ZBTB8OS: variants seen among roughly 807,000 people sequenced by gnomAD.
ZBTB8OS encodes the protein tRNA splicing ligase complex subunit 1.
In ZBTB8OS, 16 loss-of-function variants were observed where a neutral mutation model predicts 29.3. That is an observed-to-expected ratio of 0.55 (90% CI 0.37 to 0.83). ZBTB8OS has a LOEUF of 0.83. Ranked by LOEUF, ZBTB8OS falls within the 40% of genes least tolerant of loss-of-function variation. The probability of loss-of-function intolerance (pLI) is 0.00; values close to 1 mark genes in which losing one functional copy is unlikely to be tolerated. For synonymous variants in ZBTB8OS, 70 were observed against 64.6 expected (o/e 1.08, Z -0.40); for missense variants, 160 against 196.9 (o/e 0.81, Z 1.12).
chr1:32,631,202 A>C (rs1004486935), intron 5 of ZBTB8OS, among the ~76,000 whole-genome samples: 2 of 151,834 alleles, frequency 1.3e-5, no homozygotes, highest in Admixed American at 6.6e-5. Context: ...CAGAAAACAA[A>C]AAAGTCAGCC....
Position 32,621,355 on chromosome 1 carries a change from C to T in ZBTB8OS, c.*507G>A. The T allele has an allele frequency of 6.8e-6, 1 of 147,462 alleles. No homozygotes were observed. The highest frequency in any genetic ancestry group is 2.1e-4 in the South Asian group (1 of 4,752). 9.1% of individuals were successfully genotyped at this position (147,462 alleles called of 1,614,324 possible). Reference sequence around the variant, plus strand: ...TGGAGCTTGCAGTAAGCCGAGCTCACACCACTGCGCTTCAGCCTGGGCTAC... The same window carrying T: ...TGGAGCTTGCAGTAAGCCGAGCTCATACCACTGCGCTTCAGCCTGGGCTAC... On this transcript the variant is annotated 3_prime_UTR_variant, in exon 7 of 7. Transcript: ENST00000468695.
chr1:32,629,016 T>C (rs565520168), intron 5 of ZBTB8OS, among the ~76,000 whole-genome samples: 1 of 152,238 alleles, frequency 6.6e-6, no homozygotes, highest in East Asian at 1.9e-4. Context: ...TGCCCCAATA[T>C]AGTGTACCTA....
In ZBTB8OS at chr1:32,631,828, C is replaced by T; in HGVS notation, c.379G>A (p.Gly127Arg). 6.3e-7 allele frequency: 1 copy of T among 1,593,774 alleles called. No individual in the cohort carries two copies. The highest frequency in any genetic ancestry group is 8.6e-7 in the Non-Finnish European group (1 of 1,168,166). Residue 127 changes from glycine to arginine, a missense_variant and splice_region_variant, in exon 5 of 7, where the codon GGG becomes AGG. Transcript: ENST00000468695. ...ACTTAAAAGACTTTCAAAACTTACC[C>T]AATTGATCGTAATTTGAAATTTCTT... Reference protein sequence around the residue: ...DQRNFKLRSIGWGEEFSLSKH... With the variant: ...DQRNFKLRSIRWGEEFSLSKH...
At chr1:32,647,873 C>T (rs1453430997) in intron 1 of ZBTB8OS, among the ~76,000 whole-genome samples, 2 of 152,036 alleles carry the variant, frequency 1.3e-5, no homozygotes, top group Non-Finnish European at 2.9e-5. Flanking sequence ...AAATGTAATG[C>T]GCTTGAATCA....
intron 6 of ZBTB8OS, among the ~76,000 whole-genome samples, chr1:32,625,327 G>C (rs1479004438): frequency 6.6e-6 from 1 of 152,008 alleles, no homozygotes; most frequent in East Asian, 1.9e-4. Context: ...GAGCTCAGGA[G>C]TTCGAGATCA....
At chr1:32,644,074 T>G (rs1329714161) in intron 1 of ZBTB8OS, among the ~76,000 whole-genome samples, 1 of 151,990 alleles carries the variant, frequency 6.6e-6, no homozygotes, top group Non-Finnish European at 1.5e-5. Context: ...GGGGGTCTAG[T>G]TAAAACAATT....
At chr1:32,632,689 G>A (rs755922291) in intron 4 of ZBTB8OS, among the ~76,000 whole-genome samples, 71 of 152,226 alleles carry the variant, frequency 4.7e-4, no homozygotes, top group Admixed American at 9.8e-4. Context: ...TTCAAGGGAG[G>A]TATTCTAGAA....
intron 1 of ZBTB8OS, among the ~76,000 whole-genome samples, chr1:32,636,711 G>A (rs866103745): frequency 6.6e-6 from 1 of 151,002 alleles, no homozygotes; most frequent in African/African-American, 2.4e-5. Flanking sequence ...AAAAAAAGGT[G>A]GGGGGGAAGA....
chr1:32,622,075 GA>G, intron 6 of ZBTB8OS, 127 bp from the exon 7 acceptor site: 1 of 635,726 alleles, frequency 1.6e-6, no homozygotes, highest in South Asian at 2.2e-5. Flanking sequence ...AAACTCACAT[GA>G]AACAATTAGT....
At chr1:32,649,124 T>C (rs577234097) in intron 1 of ZBTB8OS, among the ~76,000 whole-genome samples, 51 of 151,598 alleles carry the variant, frequency 3.4e-4, no homozygotes, top group Non-Finnish European at 6.3e-4. Context: ...CCCACCATCA[T>C]GCGCAGCTAA....
At chr1:32,629,749 CTTTTTTT>C (rs869185319) in intron 5 of ZBTB8OS, among the ~76,000 whole-genome samples, 3 of 114,136 alleles carry the variant, frequency 2.6e-5, no homozygotes, top group Non-Finnish European at 3.7e-5. Flanking sequence ...ATGCTTGTTT[CTTTTTTT>C]TTTTTTTTTT....
At chr1:32,625,620 T>A (rs534266127) in intron 6 of ZBTB8OS, among the ~76,000 whole-genome samples, 15 of 152,202 alleles carry the variant, frequency 9.9e-5, no homozygotes, top group African/African-American at 3.1e-4. Flanking sequence ...ACCTGTAAGC[T>A]CAGCTACTCA....
At chr1:32,649,538 G>T in intron 1 of ZBTB8OS, among the ~76,000 whole-genome samples, 1 of 151,976 alleles carries the variant, frequency 6.6e-6, no homozygotes. Context: ...GTCACTAAGC[G>T]AATAAATGGC....
intron 1 of ZBTB8OS, among the ~76,000 whole-genome samples, chr1:32,649,092 C>T (rs747937452): frequency 8.6e-5 from 13 of 150,926 alleles, no homozygotes; most frequent in African/African-American, 1.5e-4. Flanking sequence ...CTCAGCCTCC[C>T]GAGTAGCTGG....
intron 1 of ZBTB8OS, among the ~76,000 whole-genome samples, chr1:32,646,537 G>A (rs1258396790): frequency 2.0e-5 from 3 of 151,206 alleles, no homozygotes; most frequent in South Asian, 2.1e-4. Flanking sequence ...ACAGGCGCCC[G>A]CCACCTCGCC....
At position 32,629,417 on chromosome 1, in the gene ZBTB8OS, AAACAAAAAC is replaced by A. The variant is rs200013330; in HGVS notation, c.381-1882_381-1874del. On this transcript the variant is annotated intron_variant, in intron 5 of 6. Transcript: ENST00000468695. ...AGAGACAAAGCAAAACCCTCTCTCA[AAACAAAAAC>A]AACAAAAACAAAACAAAAAAGAAAA... 5.9e-3 allele frequency among the ~76,000 whole-genome samples: 893 copies of A among 152,272 alleles called. 13 individuals are homozygous for A. The highest frequency in any genetic ancestry group is 0.02 in the African/African-American group (840 of 41,548).
chr1:32,649,463 G>A (rs1310456322), intron 1 of ZBTB8OS, among the ~76,000 whole-genome samples: 2 of 151,900 alleles, frequency 1.3e-5, no homozygotes, highest in South Asian at 2.1e-4. Context: ...CTACCTTTAG[G>A]GATGACAGCT....
intron 5 of ZBTB8OS, 110 bp from the exon 6 acceptor site, chr1:32,627,654 G>C (rs189142239): frequency 1.2e-5 from 11 of 944,390 alleles, no homozygotes; most frequent in Admixed American, 8.6e-5. Flanking sequence ...AGACAGGAGG[G>C]GGTCAGGGAG....
intron 1 of ZBTB8OS, among the ~76,000 whole-genome samples, chr1:32,640,662 C>T (rs1024680964): frequency 7.9e-5 from 12 of 151,972 alleles, no homozygotes; most frequent in African/African-American, 2.7e-4. Context: ...ACTACAGACA[C>T]GCACCACCAC....
Sources: allele counts gnomAD v4.1 joint callset (sites outside exome capture counted in the v4.1 genomes callset), GRCh38; gene constraint gnomAD v4.1.1; transcripts MANE v1.5; gene names NCBI Gene and HGNC (gene_info 2026-07-23, HGNC 2026-07-21).